PALB2: variants seen among roughly 807,000 people sequenced by gnomAD.
The protein encoded by PALB2 is partner and localizer of BRCA2, also known as mutant partner and localizer of BRCA2.
In PALB2, 82 loss-of-function variants were observed where a neutral mutation model predicts 107.4. The observed-to-expected ratio is 0.76, with a 90% confidence interval of 0.64 to 0.92. PALB2 has a LOEUF of 0.92. Ranked by LOEUF, PALB2 falls within the 40% of genes least tolerant of loss-of-function variation. PALB2 has a pLI of 0.00. For missense variants in PALB2, 1,374 were observed against 1,379.9 expected (o/e 1.00, Z 0.07); for synonymous variants, 489 against 496.8 (o/e 0.98, Z 0.21).
intron 9 of PALB2, among the ~76,000 whole-genome samples, 164 bp downstream of exon 9, chr16:23,622,805 C>T (rs1191616719): frequency 6.6e-6 from 1 of 152,182 alleles, no homozygotes; most frequent in Non-Finnish European, 1.5e-5. Context: ...TGGCTTCCAC[C>T]TCACTAACCT....
In PALB2 at chr16:23,635,834, T is replaced by A. The variant is rs779278389; in HGVS notation, c.712A>T (p.Arg238Ter). ...QPEKGVDTFL[R>*]RPNFTRATTV... ...GTCGCCCTGGTGAAATTAGGTCTTC[T>A]TAGGAATGTATCAACACCTTTTTCT... The change falls in exon 4 of 13, where the codon AGA becomes TGA. Residue 238 changes from arginine (R) to a stop codon, truncating the protein, a stop_gained. Coordinates refer to ENST00000261584, the MANE Select transcript of PALB2 (RefSeq NM_024675.4). LOFTEE classifies it high-confidence loss of function. The A allele has an allele frequency of 3.1e-6, 5 of 1,614,172 alleles. No individual in the cohort carries two copies. The highest frequency in any genetic ancestry group is 4.2e-6 in the Non-Finnish European group (5 of 1,180,024).
intron 10 of PALB2, among the ~76,000 whole-genome samples, chr16:23,618,591 G>A (rs982002578): frequency 2.6e-5 from 4 of 151,840 alleles, no homozygotes; most frequent in South Asian, 2.1e-4. Flanking sequence ...AATGACCTGC[G>A]TTTGAGCCCA....
chr16:23,630,478 G>A lies in PALB2; in HGVS notation c.1685-9C>T, dbSNP rs2142391529. 1 of 1,592,470 alleles carries A rather than the reference G, an allele frequency of 6.3e-7. No individual in the cohort carries two copies. Among genetic ancestry groups the A allele is most frequent in the Non-Finnish European group, 8.6e-7 (1 of 1,164,284 alleles). ...ATGACGACTTTTCTTCCCTAAAGAA[G>A]AAAAATAAGTCACAAAATAGTAACA... On this transcript the variant is annotated splice_polypyrimidine_tract_variant and intron_variant, in intron 4 of 12. Coordinates refer to ENST00000261584, the MANE Select transcript of PALB2 (RefSeq NM_024675.4).
At chr16:23,609,802 C>T (rs1966552441) in intron 11 of PALB2, among the ~76,000 whole-genome samples, 1 of 152,118 alleles carries the variant, frequency 6.6e-6, no homozygotes, top group Admixed American at 6.6e-5. Flanking sequence ...AGGCGTGAGC[C>T]ACCGCGCCTG....
Position 23,630,207 on chromosome 16 carries a change from TTTAAG to T in PALB2, c.1942_1946del (p.Leu648ArgfsTer13), listed in dbSNP as rs1235621573. Reference sequence around the variant, plus strand: ...CCTCTGGAAAAATACAGCTTCCCTCTTTAAGATGTCTCTCTCCAAACATTTTTGAC... The same window carrying T: ...CCTCTGGAAAAATACAGCTTCCCTCTATGTCTCTCTCCAAACATTTTTGAC... On this transcript the variant is annotated frameshift_variant, in exon 5 of 13. Coordinates refer to ENST00000261584, the MANE Select transcript of PALB2 (RefSeq NM_024675.4). LOFTEE classifies it high-confidence loss of function. The T allele has an allele frequency of 1.3e-5, 21 of 1,614,178 alleles. No individual in the cohort carries two copies. The highest frequency in any genetic ancestry group is 1.8e-5 in the Non-Finnish European group (21 of 1,180,028).
intron 7 of PALB2, 43 bp from the exon 8 acceptor site, chr16:23,624,137 A>AT (rs1567214548): frequency 1.4e-6 from 2 of 1,426,158 alleles, no homozygotes; most frequent in Non-Finnish European, 2.0e-6. Context: ...TGGTTGTTTC[A>AT]TTTTTGTTTA....
In PALB2 at chr16:23,614,892, C is replaced by T. The variant is rs551129720; in HGVS notation, c.3114-801G>A. Among the ~76,000 whole-genome samples, 67 of 149,690 alleles carry T rather than the reference C, an allele frequency of 4.5e-4. 1 individual carries two copies. The highest frequency in any genetic ancestry group is 1.5e-3 in the African/African-American group (62 of 40,758). ...GTCTTGATCTCCTGACCTCGTGATC[C>T]GCCCGCCTCGGCCTCCCAAAGTGCT... On this transcript the variant is annotated intron_variant, in intron 10 of 12. Coordinates refer to ENST00000261584, the MANE Select transcript of PALB2 (RefSeq NM_024675.4).
chr16:23,639,876 C>T (rs1227407385), intron 1 of PALB2, among the ~76,000 whole-genome samples: 1 of 152,034 alleles, frequency 6.6e-6, no homozygotes, highest in East Asian at 1.9e-4. Flanking sequence ...AAGTTGCCAA[C>T]CGTAAGGAAT....
rs573286677 is a variant in PALB2, at chr16:23,625,511, T to C, written c.2748+725A>G. 5.2e-4 allele frequency among the ~76,000 whole-genome samples: 78 copies of C among 151,274 alleles called. 1 individual carries two copies. Among genetic ancestry groups the C allele is most frequent in the Admixed American group, 7.9e-4 (12 of 15,210 alleles). ...CAAAACCCTGTCTGCATAAAAAATATAGGCCAGGTGTGGTAGCTCACACCT... is the reference window on the plus strand; with the variant it reads ...CAAAACCCTGTCTGCATAAAAAATACAGGCCAGGTGTGGTAGCTCACACCT... On this transcript the variant is annotated intron_variant, in intron 7 of 12. Transcript: ENST00000261584.
At chr16:23,628,995 T>A (rs1407754476) in intron 6 of PALB2, among the ~76,000 whole-genome samples, 2 of 152,148 alleles carry the variant, frequency 1.3e-5, no homozygotes, top group Admixed American at 1.3e-4. Flanking sequence ...TGCCAATAGG[T>A]TGGCATAGAA....
intron 10 of PALB2, among the ~76,000 whole-genome samples, chr16:23,616,519 G>A (rs1966686857): frequency 6.6e-6 from 1 of 152,074 alleles, no homozygotes; most frequent in African/African-American, 2.4e-5. Context: ...GACCTTATGT[G>A]AATTGTAAAA....
chr16:23,639,270 C>T (rs1055830314), intron 1 of PALB2, among the ~76,000 whole-genome samples: 2 of 152,116 alleles, frequency 1.3e-5, no homozygotes, highest in African/African-American at 2.4e-5. Context: ...CAGTGGCTCA[C>T]GCCTGTAATC....
chr16:23,623,919 G>C (rs1966821284), intron 8 of PALB2, 90 bp downstream of exon 8: 1 of 836,098 alleles, frequency 1.2e-6, no homozygotes, highest in Admixed American at 2.0e-5. Context: ...ATTCTTTCAA[G>C]ACTCAAGCCT....
At chr16:23,610,418 C>G (rs1001706804) in intron 11 of PALB2, among the ~76,000 whole-genome samples, 1 of 151,098 alleles carries the variant, frequency 6.6e-6, no homozygotes, top group African/African-American at 2.4e-5. Context: ...AAGCAATTCT[C>G]CTTCCTCAGC....
chr16:23,624,112 G>A lies in PALB2; in HGVS notation c.2749-18C>T, dbSNP rs182194007. On this transcript the variant is annotated intron_variant, in intron 7 of 12. Coordinates refer to ENST00000261584, the MANE Select transcript of PALB2 (RefSeq NM_024675.4). ...ACTGGAACCTAAATAAAACAAAGCA[G>A]CCAAAAATTATGCTTGGTTGTTTCA... 6.1e-4 allele frequency: 946 copies of A among 1,545,328 alleles called. 1 individual carries two copies. The highest frequency in any genetic ancestry group is 8.1e-4 in the Non-Finnish European group (902 of 1,118,476).
chr16:23,640,780 A>C, intron 1 of PALB2: 1 of 328,852 alleles, frequency 3.0e-6, no homozygotes, highest in South Asian at 6.2e-5. Flanking sequence ...TACCAGACTT[A>C]AAAGATTTAC....
rs1347982621 is a variant in PALB2 at position 23,614,011 on chromosome 16, G to C, written c.3194C>G (p.Ser1065Cys). The C allele has an allele frequency of 1.9e-6, 3 of 1,611,400 alleles. No homozygotes were observed. Among genetic ancestry groups the C allele is most frequent in the Admixed American group, 1.7e-5 (1 of 59,994 alleles). ...YQASVCHKAY[S>C]EMGLLFIVLS... is the part of the protein sequence containing the mutation. Reference sequence around the variant, plus strand: ...CAGCCAGTCATTACTTACCATTTCAGAATAGGCTTTGTGACAGACTGAAGC... The same window carrying C: ...CAGCCAGTCATTACTTACCATTTCACAATAGGCTTTGTGACAGACTGAAGC... The change falls in exon 11 of 13, where the codon TCT (serine) becomes TGT (cysteine). Residue 1065 changes from serine (S) to cysteine (C), a missense_variant. Transcript: ENST00000261584.
chr16:23,634,624 C>A (rs934909800), intron 4 of PALB2, among the ~76,000 whole-genome samples: 2 of 147,898 alleles, frequency 1.4e-5, no homozygotes, highest in African/African-American at 5.2e-5. Context: ...CAACAGTGAG[C>A]CCCTGTCTCT....
At chr16:23,628,092 C>G (rs1237954964) in intron 6 of PALB2, among the ~76,000 whole-genome samples, 1 of 152,136 alleles carries the variant, frequency 6.6e-6, no homozygotes, top group Non-Finnish European at 1.5e-5. Context: ...GGCGTGGTGG[C>G]GCACACTTGT....
Sources: allele counts gnomAD v4.1 joint callset (sites outside exome capture counted in the v4.1 genomes callset), GRCh38; gene constraint gnomAD v4.1.1; transcripts MANE v1.5; gene names NCBI Gene and HGNC (gene_info 2026-07-23, HGNC 2026-07-21).